Variants in ARRDC2 observed in about 807,000 individuals in gnomAD.
ARRDC2 encodes the protein arrestin domain-containing protein 2.
Under a neutral mutation model 38.9 loss-of-function variants are expected in ARRDC2, and 39 were observed. The ratio of observed to expected loss-of-function variants is 1.00; its 90% CI spans 0.78 to 1.31. The LOEUF (loss-of-function observed/expected upper bound fraction) is 1.31. Ranked by LOEUF, ARRDC2 falls within the 50% of genes most tolerant of loss-of-function variation. The pLI is 0.00. For synonymous variants in ARRDC2, 300 were observed against 261.9 expected, an observed-to-expected ratio of 1.15 and a Z score of -1.41; for missense variants, 553 against 588.4, an observed-to-expected ratio of 0.94 and a Z score of 0.62.
chr19:18,007,852 T>G, upstream of ARRDC2: 1 of 220,486 alleles, frequency 4.5e-6, no homozygotes, highest in South Asian at 5.3e-5. Flanking sequence ...GGTGAGTGAT[T>G]AAGCCGAGAG....
At chr19:18,009,420 T>C (rs2033356800) in intron 3 of ARRDC2, 172 bp from the exon 4 acceptor site, 5 of 658,950 alleles carry the variant, frequency 7.6e-6, no homozygotes, top group African/African-American at 1.8e-5. Context: ...ATTTCTGGCT[T>C]TATAAGATGG....
upstream of ARRDC2, among the ~76,000 whole-genome samples, chr19:18,006,836 T>G (rs146230662): frequency 3.4e-3 from 515 of 152,238 alleles, 2 homozygotes; most frequent in Non-Finnish European, 4.6e-3. Context: ...GGTTACCTAA[T>G]CCCGCTTCTC....
chr19:18,013,066 T>G lies in ARRDC2; in HGVS notation c.*100T>G. 1.5e-6 allele frequency: 2 copies of G among 1,303,610 alleles called. No individual in the cohort carries two copies. Among genetic ancestry groups the G allele is most frequent in the Non-Finnish European group, 2.2e-6 (2 of 927,364 alleles). The allele number at this position is 1,303,610 out of a possible 1,614,324, so 80.8% of individuals were successfully genotyped here. ...CCAAGGGCTGACCTCCCCGACTGCA[T>G]CAAAGTTGGGGAACCAAGTCTCAGA... On this transcript the variant is annotated 3_prime_UTR_variant, in exon 8 of 8. Coordinates refer to ENST00000222250, the MANE Select transcript of ARRDC2 (RefSeq NM_015683.2).
upstream of ARRDC2, among the ~76,000 whole-genome samples, chr19:18,005,500 G>A (rs551939990): frequency 2.0e-4 from 30 of 152,226 alleles, no homozygotes; most frequent in Admixed American, 1.2e-3. Flanking sequence ...TCAATGAGCT[G>A]TTGGGTACAC....
chr19:18,005,853 G>A (rs1352560001), upstream of ARRDC2, among the ~76,000 whole-genome samples: 2 of 148,774 alleles, frequency 1.3e-5, no homozygotes, highest in African/African-American at 5.0e-5. Context: ...GGGCGGAGGG[G>A]CTCCTCACTT....
upstream of ARRDC2, chr19:18,007,670 A>C (rs538641072): frequency 6.4e-6 from 1 of 155,622 alleles, no homozygotes; most frequent in Non-Finnish European, 1.4e-5. Context: ...AAAGGGGTGC[A>C]GCAGGCACCA....
chr19:18,009,320 C>G (rs905228338), intron 3 of ARRDC2: 11 of 684,196 alleles, frequency 1.6e-5, no homozygotes, highest in Admixed American at 1.4e-4. Flanking sequence ...GAAGCCCTCT[C>G]TGAGCCTCAG....
chr19:18,009,915 G>C lies in ARRDC2; in HGVS notation c.725G>C (p.Ser242Thr). 6.2e-7 allele frequency: 1 copy of C among 1,606,380 alleles called. No individual in the cohort carries two copies. The highest frequency in any genetic ancestry group is 1.1e-5 in the South Asian group (1 of 90,994). ...ARKQKRAVVA[S>T]LAGEPVGPGQ... ...AAGCAGAAACGGGCAGTGGTGGCCAGCCTCGCGGGCGAGCCGGTGGGCCCC... is the reference window on the plus strand; with the variant it reads ...AAGCAGAAACGGGCAGTGGTGGCCACCCTCGCGGGCGAGCCGGTGGGCCCC... Residue 242 changes from serine (S) to threonine (T), a missense_variant, in exon 5 of 8, where the codon AGC (serine) becomes ACC (threonine). Physicochemically the swap from Ser to Thr is moderately conservative, Grantham distance 58 (BLOSUM62 1). Transcript: ENST00000222250.
intron 1 of ARRDC2, among the ~76,000 whole-genome samples, chr19:18,002,656 T>G (rs1038675636): frequency 6.6e-6 from 1 of 152,152 alleles, no homozygotes; most frequent in Non-Finnish European, 1.5e-5. Flanking sequence ...CGGGGGACCC[T>G]TCCCTCCCCA....
At chr19:18,001,619 G>C (rs1242612000) in intron 1 of ARRDC2, 3 of 1,294,288 alleles carry the variant, frequency 2.3e-6, no homozygotes, top group East Asian at 3.2e-5. Flanking sequence ...GGACCCCCTC[G>C]GCCGCGACCC....
At chr19:18,005,018 T>TAAA (rs1568465356), upstream of ARRDC2, among the ~76,000 whole-genome samples, 1,752 of 131,110 alleles carry the variant, frequency 0.013, 44 homozygotes, top group African/African-American at 0.043. Context: ...TAAAAAAAAT[T>TAAA]TTTTTTTTTT....
Position 18,008,770 on chromosome 19 carries a change from C to A in ARRDC2, c.334C>A (p.Leu112Met), listed in dbSNP as rs746617024. The change falls in exon 2 of 8, where the codon CTG becomes ATG. Residue 112 changes from leucine to methionine, a missense_variant. Leu to Met is a conservative substitution (Grantham distance 15). Around this residue, in one of 3 missense-constraint regions of ARRDC2, gnomAD observed 447 missense variants for 456.6 expected, o/e 0.98. Transcript: ENST00000222250. Reference protein sequence around the residue: ...GRHEFLFSFQLPPTLVTSFEG... With the variant: ...GRHEFLFSFQMPPTLVTSFEG... The stretch of plus-strand genomic sequence containing the variant: ...CCATGAGTTCCTGTTCAGCTTCCAG[C>A]TGCCCCCGTAAGTCCTCTGGGGTGC... The A allele has an allele frequency of 6.2e-7, 1 of 1,613,292 alleles. No individual in the cohort carries two copies.
upstream of ARRDC2, among the ~76,000 whole-genome samples, chr19:18,005,723 C>T (rs961908838): frequency 3.3e-5 from 5 of 151,514 alleles, no homozygotes; most frequent in African/African-American, 1.2e-4. Flanking sequence ...GGGGGGCTGA[C>T]CCCCCGCCTC....
chr19:18,012,774 C>G (rs75499068), intron 7 of ARRDC2, 139 bp from the exon 8 acceptor site: 1 of 806,990 alleles, frequency 1.2e-6, no homozygotes, highest in African/African-American at 1.7e-5. Context: ...CCTTGCACCC[C>G]AGTCTGCCCT....
chr19:18,008,260 C>A lies in ARRDC2; in HGVS notation c.-51C>A. 1 of 1,565,162 alleles carries A rather than the reference C, an allele frequency of 6.4e-7. No homozygotes were observed. The highest frequency in any genetic ancestry group is 1.1e-5 in the South Asian group (1 of 87,646). On this transcript the variant is annotated 5_prime_UTR_variant, in exon 1 of 8. Coordinates refer to ENST00000222250, the MANE Select transcript of ARRDC2 (RefSeq NM_015683.2). ...GCGTCGGCATCTTGAGCTGCCGGTT[C>A]GCGAGTTCGAGGCCAGGTTCCGCCT...
chr19:18,002,472 G>C (rs774418272), intron 1 of ARRDC2, among the ~76,000 whole-genome samples: 1 of 152,212 alleles, frequency 6.6e-6, no homozygotes, highest in Non-Finnish European at 1.5e-5. Flanking sequence ...GTGTGGCTGC[G>C]GGAGGGCATC....
Position 18,013,339 on chromosome 19 carries a change from TGAGA to T in ARRDC2, c.*375_*378del. ...AACCAGAAGAAGAGACCTGCAACTG[TGAGA>T]GTCCAGACAGGAAGCAGAGAAGGCG... On this transcript the variant is annotated 3_prime_UTR_variant, in exon 8 of 8. Coordinates refer to ENST00000222250, the MANE Select transcript of ARRDC2 (RefSeq NM_015683.2). 4.9e-6 allele frequency: 1 copy of T among 203,616 alleles called. No individual in the cohort carries two copies. The highest frequency in any genetic ancestry group is 9.9e-6 in the Non-Finnish European group (1 of 101,370). 12.6% of individuals were successfully genotyped at this position (203,616 alleles called of 1,614,324 possible).
In ARRDC2 at chr19:18,010,655, G is replaced by T; in HGVS notation, c.1096G>T (p.Asp366Tyr). The T allele has an allele frequency of 6.2e-7, 1 of 1,613,802 alleles. No individual in the cohort carries two copies. The change falls in exon 7 of 8, where the codon GAC becomes TAC. Residue 366 changes from aspartate to tyrosine, a missense_variant. Asp to Tyr is a radical substitution (Grantham distance 160, BLOSUM62 -3). This residue lies in a region of ARRDC2 where 100 missense variants were observed against 107.6 expected (regional missense o/e 0.93). Transcript: ENST00000222250. ...CCCCTTCCCGCTTCCGCAGGACCCCGACATGAGCCTTGAAGGCCCGTTCTT... is the reference window on the plus strand; with the variant it reads ...CCCCTTCCCGCTTCCGCAGGACCCCTACATGAGCCTTGAAGGCCCGTTCTT... ...QSPFPLPQDP[D>Y]MSLEGPFFAY...
At position 18,009,618 on chromosome 19, in the gene ARRDC2, G is replaced by A. The variant is rs765929063; in HGVS notation, c.516G>A (p.Lys172=). 3 of 1,606,812 alleles carry A rather than the reference G, an allele frequency of 1.9e-6. No individual in the cohort carries two copies. Among genetic ancestry groups the A allele is most frequent in the South Asian group, 2.2e-5 (2 of 90,862 alleles). ...CACCTCAAGCGGGGGCTCGGGAAAA[G>A]GTTGCCCGATCCTGGTACTGTAACC... The part of the protein sequence containing the change: ...LLAPQAGARE[K]VARSWYCNRG... Residue 172 remains lysine (K), a synonymous_variant, in exon 4 of 8, where the codon AAG becomes AAA. Coordinates refer to ENST00000222250, the MANE Select transcript of ARRDC2 (RefSeq NM_015683.2).
Sources: allele counts gnomAD v4.1 joint callset (sites outside exome capture counted in the v4.1 genomes callset), GRCh38; gene constraint gnomAD v4.1.1; regional missense constraint gnomAD v4.1.1; transcripts MANE v1.5; gene names NCBI Gene and HGNC (gene_info 2026-07-23, HGNC 2026-07-21).